The following SGCZ variants were observed in gnomAD, a reference collection of about 807,000 sequenced individuals.
SGCZ encodes sarcoglycan zeta, also known as zeta-sarcoglycan.
A neutral mutation model predicts 41.3 loss-of-function variants in SGCZ; 40 were observed. The observed-to-expected ratio is 0.97, with a 90% CI of 0.75 to 1.26. The LOEUF is 1.26. SGCZ is among the 50% of genes most tolerant of loss of function. SGCZ has a pLI of 0.00. For synonymous variants in SGCZ, 206 were observed against 137.5 expected (o/e 1.50, Z -3.49); for missense variants, 552 against 369.8 (o/e 1.49, Z -4.04).
intron 1 of SGCZ, among the ~76,000 whole-genome samples, chr8:15,235,764 C>G (rs985541331): frequency 3.3e-5 from 5 of 152,196 alleles, no homozygotes; most frequent in Admixed American, 6.5e-5. Flanking sequence ...TTTCTCCCTT[C>G]CATTTCTCTT....
intron 1 of SGCZ, among the ~76,000 whole-genome samples, chr8:14,802,405 C>A (rs1258970110): frequency 6.6e-6 from 1 of 152,200 alleles, no homozygotes; most frequent in Non-Finnish European, 1.5e-5. Flanking sequence ...GGTGACATTA[C>A]ACTTTAATTC....
chr8:14,945,419 T>C (rs987082548), intron 1 of SGCZ, among the ~76,000 whole-genome samples: 2 of 152,120 alleles, frequency 1.3e-5, no homozygotes, highest in African/African-American at 4.8e-5. Context: ...TGTATTACTC[T>C]AAGGCCTCTG....
At chr8:15,084,163 G>A (rs1023475621) in intron 1 of SGCZ, among the ~76,000 whole-genome samples, 3 of 152,110 alleles carry the variant, frequency 2.0e-5, no homozygotes, top group East Asian at 3.9e-4. Context: ...AATTCTGACT[G>A]GCATATGTCT....
chr8:15,020,905 G>A (rs1007149142), intron 1 of SGCZ, among the ~76,000 whole-genome samples: 2 of 152,168 alleles, frequency 1.3e-5, no homozygotes, highest in African/African-American at 4.8e-5. Context: ...TAGAAATTCA[G>A]TTAAAAGTGG....
chr8:14,968,563 A>T (rs1282040415), intron 1 of SGCZ, among the ~76,000 whole-genome samples: 1 of 152,108 alleles, frequency 6.6e-6, no homozygotes, highest in Admixed American at 6.6e-5. Context: ...AGATCACTCA[A>T]TGTATAATTA....
chr8:14,754,748 C>A (rs944415154), intron 1 of SGCZ, among the ~76,000 whole-genome samples: 1 of 152,110 alleles, frequency 6.6e-6, no homozygotes. Context: ...TAATTTGTCA[C>A]CTAGGCTGGA....
At chr8:14,725,940 T>G (rs1039288710) in intron 1 of SGCZ, among the ~76,000 whole-genome samples, 1 of 152,050 alleles carries the variant, frequency 6.6e-6, no homozygotes, top group African/African-American at 2.4e-5. Context: ...AAAATTTGCT[T>G]TTTTTTCACT....
intron 2 of SGCZ, among the ~76,000 whole-genome samples, chr8:14,533,588 G>A (rs1045219189): frequency 2.0e-5 from 3 of 151,886 alleles, no homozygotes; most frequent in Non-Finnish European, 2.9e-5. Flanking sequence ...TACTTTTGAA[G>A]ATCTAAGTGC....
intron 1 of SGCZ, among the ~76,000 whole-genome samples, chr8:14,949,516 G>C (rs1800562205): frequency 6.6e-6 from 1 of 152,050 alleles, no homozygotes; most frequent in African/African-American, 2.4e-5. Context: ...ATCATAAGAA[G>C]TTATTATTTC....
chr8:15,073,136 A>T (rs1805415039), intron 1 of SGCZ, among the ~76,000 whole-genome samples: 1 of 152,138 alleles, frequency 6.6e-6, no homozygotes, highest in African/African-American at 2.4e-5. Context: ...AGTGCTGCAA[A>T]GCTGACCAGG....
chr8:15,096,558 C>T (rs1359713856), intron 1 of SGCZ, among the ~76,000 whole-genome samples: 2 of 152,148 alleles, frequency 1.3e-5, no homozygotes, highest in African/African-American at 4.8e-5. Flanking sequence ...GTAATGCTTC[C>T]ACCTATGAAG....
intron 1 of SGCZ, among the ~76,000 whole-genome samples, chr8:15,188,811 T>C (rs1315235466): frequency 6.6e-6 from 1 of 151,966 alleles, no homozygotes; most frequent in Non-Finnish European, 1.5e-5. Flanking sequence ...AGATGTTGAT[T>C]TGAGAATAAG....
intron 3 of SGCZ, among the ~76,000 whole-genome samples, chr8:14,300,777 G>A (rs1207754442): frequency 6.6e-5 from 10 of 151,902 alleles, no homozygotes; most frequent in Non-Finnish European, 4.4e-5. Context: ...CTTCTTTTGA[G>A]AAATTTCTAT....
chr8:14,348,560 T>A (rs2117098127), intron 2 of SGCZ, among the ~76,000 whole-genome samples: 1 of 152,226 alleles, frequency 6.6e-6, no homozygotes, highest in East Asian at 1.9e-4. Flanking sequence ...CATCAATGTA[T>A]CCATAGTGCC....
intron 2 of SGCZ, among the ~76,000 whole-genome samples, chr8:14,446,882 A>G (rs1260603480): frequency 6.6e-6 from 1 of 152,216 alleles, no homozygotes; most frequent in Non-Finnish European, 1.5e-5. Context: ...CGAGGAGATT[A>G]TAGCAGATCA....
At chr8:14,256,422 A>C (rs1454506776) in intron 3 of SGCZ, among the ~76,000 whole-genome samples, 1 of 152,190 alleles carries the variant, frequency 6.6e-6, no homozygotes, top group African/African-American at 2.4e-5. Context: ...ACTCTGATCT[A>C]TCATTCTACA....
chr8:14,497,321 A>G (rs186030723), intron 2 of SGCZ, among the ~76,000 whole-genome samples: 72 of 152,268 alleles, frequency 4.7e-4, no homozygotes, highest in Admixed American at 9.2e-4. Flanking sequence ...TCATGGTCAG[A>G]GAGGGAGCAA....
At chr8:14,230,689 T>C (rs1806531434) in intron 4 of SGCZ, among the ~76,000 whole-genome samples, 1 of 151,854 alleles carries the variant, frequency 6.6e-6, no homozygotes, top group South Asian at 2.1e-4. Context: ...TGAAAATCTA[T>C]ATATTCCTAC....
chr8:14,894,409 G>A (rs1414209741), intron 1 of SGCZ, among the ~76,000 whole-genome samples: 1 of 152,064 alleles, frequency 6.6e-6, no homozygotes, highest in East Asian at 1.9e-4. Context: ...CAAAGTGAAA[G>A]GAAAAGCTTG....
Sources: gnomAD v4.1 joint callset for allele counts (sites outside exome capture counted in the v4.1 genomes callset) on GRCh38, gnomAD v4.1.1 for gene constraint, MANE v1.5 for transcripts, NCBI Gene and HGNC (gene_info 2026-07-23, HGNC 2026-07-21) for gene names.